Variants in SH3GL2 observed in about 807,000 individuals in gnomAD.
The protein encoded by SH3GL2 is endophilin-A1.
SH3GL2 carries 24 observed loss-of-function variants against 46.0 expected under a neutral mutation model. The ratio of observed to expected loss-of-function variants is 0.52; its 90% confidence interval spans 0.38 to 0.73. The LOEUF is 0.73. Among genes scored for constraint, SH3GL2 ranks in the 30% least tolerant of loss-of-function variants. SH3GL2 has a pLI of 0.00. For missense variants in SH3GL2, 413 were observed against 424.2 expected, an observed-to-expected ratio of 0.97 and a Z score of 0.23; for synonymous variants, 196 against 147.1, an observed-to-expected ratio of 1.33 and a Z score of -2.40.
At chr9:17,677,127 A>C (rs1377717169) in intron 1 of SH3GL2, among the ~76,000 whole-genome samples, 1 of 152,068 alleles carries the variant, frequency 6.6e-6, no homozygotes, top group Non-Finnish European at 1.5e-5. Context: ...TCCTGAGAGA[A>C]CCCACGTTCA....
chr9:17,766,865 T>A (rs1369545053), intron 3 of SH3GL2, among the ~76,000 whole-genome samples: 2 of 152,336 alleles, frequency 1.3e-5, no homozygotes, highest in Non-Finnish European at 2.9e-5. Context: ...TTTTATGTTT[T>A]ATCAGTGGGT....
intron 1 of SH3GL2, among the ~76,000 whole-genome samples, chr9:17,629,841 G>T (rs973794834): frequency 2.0e-5 from 3 of 152,130 alleles, no homozygotes; most frequent in Admixed American, 2.0e-4. Flanking sequence ...TCCTGTTTAT[G>T]CCATGTATTT....
At chr9:17,712,462 A>ATCAGT (rs1354682999) in intron 1 of SH3GL2, among the ~76,000 whole-genome samples, 2 of 151,792 alleles carry the variant, frequency 1.3e-5, no homozygotes, top group African/African-American at 4.8e-5. Context: ...TAGACCTGTG[A>ATCAGT]TCAGTTTGTG....
chr9:17,676,249 A>G (rs1563807548), intron 1 of SH3GL2, among the ~76,000 whole-genome samples: 1 of 152,126 alleles, frequency 6.6e-6, no homozygotes. Context: ...CTTCTCCTCA[A>G]CTTTTCTACA....
At chr9:17,680,864 T>G (rs1820748708) in intron 1 of SH3GL2, among the ~76,000 whole-genome samples, 1 of 152,200 alleles carries the variant, frequency 6.6e-6, no homozygotes, top group South Asian at 2.1e-4. Context: ...AACATCTTTA[T>G]TTCTGCCTTC....
intron 3 of SH3GL2, among the ~76,000 whole-genome samples, chr9:17,776,647 T>C (rs1823647294): frequency 6.7e-6 from 1 of 149,450 alleles, no homozygotes; most frequent in African/African-American, 2.5e-5. Flanking sequence ...CTTTGTACTT[T>C]GCATTTTCAA....
chr9:17,607,709 T>G lies in SH3GL2; in HGVS notation c.45+28422T>G, dbSNP rs1348201544. ...TCATACTGTATGGTCTGCAATTGTA[T>G]TTTTGACTTTTTCTTCAAATTTTGA... On this transcript the variant is annotated intron_variant, in intron 1 of 8. Transcript: ENST00000380607. Among the ~76,000 whole-genome samples, 5 of 152,238 alleles carry G rather than the reference T, an allele frequency of 3.3e-5. No homozygotes were observed. In the South Asian group the frequency reaches 6.2e-4, roughly 19 times the overall value.
chr9:17,646,946 A>T (rs1471291866), intron 1 of SH3GL2, among the ~76,000 whole-genome samples: 2 of 152,096 alleles, frequency 1.3e-5, no homozygotes, highest in East Asian at 3.9e-4. Context: ...GCAGGCAGAG[A>T]CGTTTAAAAC....
chr9:17,667,544 T>C (rs574342190), intron 1 of SH3GL2, among the ~76,000 whole-genome samples: 2 of 152,330 alleles, frequency 1.3e-5, no homozygotes, highest in South Asian at 4.1e-4. Flanking sequence ...ATTATATGGA[T>C]ATAAAACATT....
intron 1 of SH3GL2, among the ~76,000 whole-genome samples, chr9:17,730,816 A>T (rs1164799557): frequency 6.6e-6 from 1 of 152,126 alleles, no homozygotes; most frequent in Non-Finnish European, 1.5e-5. Flanking sequence ...TCAGGAAACT[A>T]TAGTTCTTTG....
At chr9:17,730,722 A>C (rs1276925959) in intron 1 of SH3GL2, among the ~76,000 whole-genome samples, 8 of 151,894 alleles carry the variant, frequency 5.3e-5, no homozygotes, top group Non-Finnish European at 1.0e-4. Context: ...ATACTCTCCT[A>C]AATTTTAAAT....
chr9:17,656,252 G>T (rs3824383), intron 1 of SH3GL2, among the ~76,000 whole-genome samples: 54,713 of 151,868 alleles, frequency 0.36, 11,293 homozygotes, highest in South Asian at 0.57. Context: ...CATTAAGAAA[G>T]TTACCCATGG....
At chr9:17,775,383 A>G (rs1420964523) in intron 3 of SH3GL2, among the ~76,000 whole-genome samples, 2 of 152,216 alleles carry the variant, frequency 1.3e-5, no homozygotes, top group Non-Finnish European at 2.9e-5. Flanking sequence ...GAAAAAAACT[A>G]ACATTTTTCT....
chr9:17,727,910 A>G (rs1366826380), intron 1 of SH3GL2, among the ~76,000 whole-genome samples: 2 of 151,942 alleles, frequency 1.3e-5, no homozygotes, highest in African/African-American at 2.4e-5. Flanking sequence ...TCCTCATTCT[A>G]GGCTCTGCTT....
chr9:17,590,827 C>T (rs1187817174), intron 1 of SH3GL2: 2 of 152,144 alleles, frequency 1.3e-5, no homozygotes, highest in Admixed American at 6.5e-5. Context: ...AGTGGCGTGA[C>T]CACGAATCAC....
At chr9:17,784,124 G>T (rs558481714) in intron 3 of SH3GL2, among the ~76,000 whole-genome samples, 30 of 151,926 alleles carry the variant, frequency 2.0e-4, no homozygotes, top group Non-Finnish European at 4.1e-4. Context: ...GAATTAGTAG[G>T]CTTTTTTTAA....
chr9:17,674,191 TACCAGATC>T (rs1588226177), intron 1 of SH3GL2, among the ~76,000 whole-genome samples: 1 of 152,348 alleles, frequency 6.6e-6, no homozygotes. Flanking sequence ...CATTGCTGAC[TACCAGATC>T]ACCAGATCAC....
At chr9:17,610,715 G>A (rs375974121) in intron 1 of SH3GL2, among the ~76,000 whole-genome samples, 1 of 137,398 alleles carries the variant, frequency 7.3e-6, no homozygotes, top group African/African-American at 2.5e-5. Context: ...AAGAAGTACA[G>A]CAAGTTTTCT....
rs143997260 is a variant in SH3GL2 at position 17,685,272 on chromosome 9, G to A, written c.46-61794G>A. 1.9e-4 allele frequency among the ~76,000 whole-genome samples: 29 copies of A among 152,176 alleles called. No individual in the cohort carries two copies. The East Asian group carries it at 4.9e-3, about 25-fold the overall frequency. On this transcript the variant is annotated intron_variant, in intron 1 of 8. Coordinates refer to ENST00000380607, the MANE Select transcript of SH3GL2 (RefSeq NM_003026.5). ...TGTTTGCATGAAAACCCCTCAGGCAGGAATTGGTGCTGCATTCTTGAGGCA... is the reference window on the plus strand; with the variant it reads ...TGTTTGCATGAAAACCCCTCAGGCAAGAATTGGTGCTGCATTCTTGAGGCA...
Sources: allele counts gnomAD v4.1 joint callset (sites outside exome capture counted in the v4.1 genomes callset), GRCh38; gene constraint gnomAD v4.1.1; transcripts MANE v1.5; gene names NCBI Gene and HGNC (gene_info 2026-07-23, HGNC 2026-07-21).